RALGPS2: variants seen among roughly 807,000 people sequenced by gnomAD.
RALGPS2 encodes Ral GEF with PH domain and SH3 binding motif 2.
A neutral mutation model predicts 86.8 loss-of-function variants in RALGPS2; 43 were observed. The ratio of observed to expected loss-of-function variants is 0.50; its 90% confidence interval spans 0.39 to 0.64. The LOEUF is 0.64. RALGPS2 is among the 30% of genes least tolerant of loss of function. The pLI is 0.00. For synonymous variants in RALGPS2, 243 were observed against 231.3 expected, an observed-to-expected ratio of 1.05 and a Z score of -0.46; for missense variants, 536 against 694.6, an observed-to-expected ratio of 0.77 and a Z score of 2.57.
chr1:178,872,213 A>T (rs1658796264), intron 8 of RALGPS2, among the ~76,000 whole-genome samples: 1 of 152,146 alleles, frequency 6.6e-6, no homozygotes, highest in Non-Finnish European at 1.5e-5. Context: ...GTTAGGCCAC[A>T]CTGTTGATCC....
chr1:178,843,846 A>T (rs1273548182), intron 8 of RALGPS2, among the ~76,000 whole-genome samples: 1 of 152,176 alleles, frequency 6.6e-6, no homozygotes, highest in African/African-American at 2.4e-5. Context: ...TTTGGTAGAC[A>T]TGGGAAAGGA....
intron 1 of RALGPS2, among the ~76,000 whole-genome samples, chr1:178,735,861 A>G (rs1230993597): frequency 6.6e-6 from 1 of 152,020 alleles, no homozygotes; most frequent in African/African-American, 2.4e-5. Flanking sequence ...ATCATTTTTA[A>G]TGGTAGCATT....
At chr1:178,775,832 CAT>C (rs1364732925) in intron 1 of RALGPS2, among the ~76,000 whole-genome samples, 2 of 148,522 alleles carry the variant, frequency 1.3e-5, no homozygotes, top group South Asian at 2.1e-4. Context: ...TACAAATAAA[CAT>C]AGTGTATATT....
intron 8 of RALGPS2, among the ~76,000 whole-genome samples, chr1:178,856,796 A>G (rs576963327): frequency 9.8e-5 from 15 of 152,292 alleles, no homozygotes; most frequent in Admixed American, 9.8e-4. Flanking sequence ...TCAAAGATGA[A>G]TGTACAGTCA....
chr1:178,813,028 G>C (rs1008867546), intron 6 of RALGPS2, among the ~76,000 whole-genome samples: 1 of 149,720 alleles, frequency 6.7e-6, no homozygotes, highest in Admixed American at 6.7e-5. Flanking sequence ...TGCCTCCCGA[G>C]TTCAAGTGAT....
At chr1:178,845,017 T>TA (rs765548439) in intron 8 of RALGPS2, among the ~76,000 whole-genome samples, 107 of 143,734 alleles carry the variant, frequency 7.4e-4, no homozygotes, top group Non-Finnish European at 1.4e-3. Context: ...ACGTCTCTAC[T>TA]AAAAAATACA....
At chr1:178,909,143 G>A (rs1432971467) in intron 19 of RALGPS2, among the ~76,000 whole-genome samples, 3 of 152,136 alleles carry the variant, frequency 2.0e-5, no homozygotes, top group Admixed American at 2.0e-4. Context: ...TATCCTAGCA[G>A]CATATTGAAT....
rs1023986037 is a variant in RALGPS2 at position 178,904,847 on chromosome 1, A to G, written c.1631-1929A>G. Among the ~76,000 whole-genome samples, 8 of 152,092 alleles carry G rather than the reference A, an allele frequency of 5.3e-5. No homozygotes were observed. The East Asian group carries it at 1.2e-3, about 22-fold the overall frequency. On this transcript the variant is annotated intron_variant, in intron 18 of 19. Coordinates refer to ENST00000367635, the MANE Select transcript of RALGPS2 (RefSeq NM_152663.5). ...CTGTGGTGGGCTCTTTTTTGATTGT[A>G]TGTGAATTTTAGAATTGTTTTTTCT...
chr1:178,792,244 T>C lies in RALGPS2; in HGVS notation c.213+6637T>C, dbSNP rs78525060. 5.9e-5 allele frequency among the ~76,000 whole-genome samples: 9 copies of C among 152,310 alleles called. No individual in the cohort carries two copies. In the East Asian group the frequency reaches 1.3e-3, roughly 23 times the overall value. The stretch of plus-strand genomic sequence containing the variant: ...CATTTTAAAAACTACTTAGTAGGAA[T>C]CTAATTACATAGAAAAAAAGTTCAC... On this transcript the variant is annotated intron_variant, in intron 4 of 19. Coordinates refer to ENST00000367635, the MANE Select transcript of RALGPS2 (RefSeq NM_152663.5).
In RALGPS2 at chr1:178,809,399, G is replaced by A. The variant is rs76027749; in HGVS notation, c.297+1271G>A. 7.7e-4 allele frequency among the ~76,000 whole-genome samples: 117 copies of A among 151,892 alleles called. 2 individuals carry two copies. The East Asian group carries it at 0.02, about 26-fold the overall frequency. On this transcript the variant is annotated intron_variant, in intron 5 of 19. Transcript: ENST00000367635. ...TAAGTCCCAAGCCCCTAATGTCACCGAGATAGGAAATCCTCCAAGGGCAGT... is the reference window on the plus strand; with the variant it reads ...TAAGTCCCAAGCCCCTAATGTCACCAAGATAGGAAATCCTCCAAGGGCAGT...
chr1:178,848,030 T>C (rs977207504), intron 8 of RALGPS2, among the ~76,000 whole-genome samples: 1 of 152,148 alleles, frequency 6.6e-6, no homozygotes, highest in African/African-American at 2.4e-5. Context: ...TATTCTTGAC[T>C]GGACACAGTG....
chr1:178,735,297 A>G (rs1014487524), intron 1 of RALGPS2, among the ~76,000 whole-genome samples: 1 of 152,146 alleles, frequency 6.6e-6, no homozygotes, highest in Non-Finnish European at 1.5e-5. Flanking sequence ...CATAAAGTTT[A>G]GGGCAAGGTC....
intron 17 of RALGPS2, 39 bp from the exon 18 acceptor site, chr1:178,902,067 A>G (rs765307350): frequency 6.7e-7 from 1 of 1,489,756 alleles, no homozygotes; most frequent in Non-Finnish European, 9.4e-7. Flanking sequence ...AATAAACCAT[A>G]AATTTTCTGT....
chr1:178,735,431 C>CTTTTTTTTTTTT (rs565080292), intron 1 of RALGPS2, among the ~76,000 whole-genome samples: 1 of 134,438 alleles, frequency 7.4e-6, no homozygotes. Context: ...TTTTTCTTTT[C>CTTTTTTTTTTTT]TTTTTTTTTT....
chr1:178,834,729 T>C (rs957600145), intron 8 of RALGPS2, among the ~76,000 whole-genome samples: 2 of 152,216 alleles, frequency 1.3e-5, no homozygotes, highest in Non-Finnish European at 2.9e-5. Context: ...AGAAAGACAT[T>C]CTGTATGTGC....
At chr1:178,894,591 GATTTTATCATGTT>G (rs1659861108) in intron 16 of RALGPS2, among the ~76,000 whole-genome samples, 1 of 152,064 alleles carries the variant, frequency 6.6e-6, no homozygotes, top group Non-Finnish European at 1.5e-5. Flanking sequence ...AACTGTGTGA[GATTTTATCATGTT>G]ACTCAGAACA....
intron 4 of RALGPS2, among the ~76,000 whole-genome samples, chr1:178,802,253 T>C (rs1303132082): frequency 6.6e-6 from 1 of 152,156 alleles, no homozygotes; most frequent in African/African-American, 2.4e-5. Flanking sequence ...GAAAAATACA[T>C]TTACAGTACT....
At chr1:178,809,026 G>A (rs1416545974) in intron 5 of RALGPS2, among the ~76,000 whole-genome samples, 1 of 151,948 alleles carries the variant, frequency 6.6e-6, no homozygotes, top group Non-Finnish European at 1.5e-5. Context: ...TAAAAAGAAT[G>A]TTTTGTGGAG....
chr1:178,876,224 AAAAT>A (rs557064089), intron 8 of RALGPS2, among the ~76,000 whole-genome samples: 221 of 152,282 alleles, frequency 1.5e-3, no homozygotes, highest in Non-Finnish European at 2.4e-3. Context: ...AAATGTAAAA[AAAAT>A]AAGTAATGAG....
Sources: allele counts gnomAD v4.1 joint callset (sites outside exome capture counted in the v4.1 genomes callset), GRCh38; gene constraint gnomAD v4.1.1; transcripts MANE v1.5; gene names NCBI Gene and HGNC (gene_info 2026-07-23, HGNC 2026-07-21).